The following SP3 variants were observed in gnomAD, a reference collection of about 807,000 sequenced individuals.
The protein encoded by SP3 is transcription factor Sp3.
Under a neutral mutation model 70.3 loss-of-function variants are expected in SP3, and 10 were observed. The ratio of observed to expected loss-of-function variants is 0.14; its 90% CI spans 0.09 to 0.24. The LOEUF (loss-of-function observed/expected upper bound fraction) is 0.24. Among genes scored for constraint, SP3 ranks in the 10% least tolerant of loss-of-function variants. The pLI is 1.00. For synonymous variants in SP3, 402 were observed against 333.5 expected (o/e 1.21, Z -2.24); for missense variants, 825 against 914.6 (o/e 0.90, Z 1.26).
At chr2:173,918,965 G>C (rs1262697591) in intron 4 of SP3, among the ~76,000 whole-genome samples, 180 bp from the exon 5 acceptor site, 1 of 152,080 alleles carries the variant, frequency 6.6e-6, no homozygotes, top group Admixed American at 6.5e-5. Context: ...AGACTAGTTG[G>C]AGAGTAATCT....
intron 4 of SP3, among the ~76,000 whole-genome samples, chr2:173,921,813 ATT>A (rs1689762155): frequency 6.6e-6 from 1 of 152,110 alleles, no homozygotes; most frequent in Non-Finnish European, 1.5e-5. Context: ...ATGGGGGCGG[ATT>A]TCTCATAAAT....
At chr2:173,925,775 T>C (rs999796477) in intron 4 of SP3, among the ~76,000 whole-genome samples, 1 of 152,170 alleles carries the variant, frequency 6.6e-6, no homozygotes, top group Non-Finnish European at 1.5e-5. Flanking sequence ...CCATAAGCTT[T>C]AGGGACTAGT....
chr2:173,952,812 T>C (rs1344641602), intron 4 of SP3, among the ~76,000 whole-genome samples: 3 of 152,266 alleles, frequency 2.0e-5, no homozygotes, highest in African/African-American at 4.8e-5. Flanking sequence ...AAAGGCCACA[T>C]ATTGTACAAT....
rs1690829886 is a variant in SP3, at chr2:173,954,932, T to C, written c.1580A>G (p.Asn527Ser). Residue 527 changes from asparagine to serine, a missense_variant, in exon 4 of 7, where the codon AAC becomes AGC. Asn to Ser is a conservative substitution (Grantham distance 46). This residue lies in a region of SP3 where 678 missense variants were observed against 651.6 expected (regional missense o/e 1.04). Coordinates refer to ENST00000310015, the MANE Select transcript of SP3 (RefSeq NM_003111.5). ...CTGTATACCAGCAGAATCTATAGAG[T>C]TCACTGTAACTGTTTGTAGATTTGG... is the stretch of plus-strand genomic sequence containing the variant. ...QLPNLQTVTV[N>S]SIDSAGIQLH... is the part of the protein sequence containing the mutation. 1 of 1,614,090 alleles carries C rather than the reference T, an allele frequency of 6.2e-7. No individual in the cohort carries two copies. Among genetic ancestry groups the C allele is most frequent in the East Asian group, 2.2e-5 (1 of 44,882 alleles).
At chr2:173,933,638 TTATATATATA>T (rs60102426) in intron 4 of SP3, among the ~76,000 whole-genome samples, 1,801 of 86,552 alleles carry the variant, frequency 0.021, 89 homozygotes, top group African/African-American at 0.07. Context: ...TTATAAAACT[TTATATATATA>T]TATATATATA....
At position 173,900,828 on chromosome 2, in the gene SP3, G is replaced by GGAGAGATACAGAATTATCATGGATA. The variant is rs1689178331; in HGVS notation, c.*9088_*9112dup. ...AAAACCATTAAAGACTTGAATTAAT[G>GGAGAGATACAGAATTATCATGGATA]GAGAGATACAGAATTATCATGGATA... On this transcript the variant is annotated 3_prime_UTR_variant, in exon 7 of 7. Coordinates refer to ENST00000310015, the MANE Select transcript of SP3 (RefSeq NM_003111.5). 1.3e-5 allele frequency among the ~76,000 whole-genome samples: 2 copies of GGAGAGATACAGAATTATCATGGATA among 152,148 alleles called. No homozygotes were observed. The highest frequency in any genetic ancestry group is 2.9e-5 in the Non-Finnish European group (2 of 68,020).
intron 4 of SP3, among the ~76,000 whole-genome samples, chr2:173,936,042 T>C (rs1337144071): frequency 6.6e-6 from 1 of 152,192 alleles, no homozygotes; most frequent in Non-Finnish European, 1.5e-5. Context: ...TTTGGTTTTC[T>C]TTTGAAACGG....
At chr2:173,912,684 AAT>A (rs1215766370) in intron 6 of SP3, among the ~76,000 whole-genome samples, 1 of 152,342 alleles carries the variant, frequency 6.6e-6, no homozygotes, top group East Asian at 1.9e-4. Flanking sequence ...GAAATGCCCA[AAT>A]ATGTCAGAAG....
At chr2:173,961,160 GT>G (rs1437908881) in intron 3 of SP3, among the ~76,000 whole-genome samples, 1 of 152,108 alleles carries the variant, frequency 6.6e-6, no homozygotes, top group Non-Finnish European at 1.5e-5. Context: ...ACAAAGGAGC[GT>G]TGCTATAAAA....
intron 4 of SP3, among the ~76,000 whole-genome samples, chr2:173,948,312 C>T (rs1285909329): frequency 6.6e-6 from 1 of 152,162 alleles, no homozygotes; most frequent in African/African-American, 2.4e-5. Flanking sequence ...AAAGACTTCG[C>T]AAGTTTTAAA....
rs779834975 is a variant in SP3, at chr2:173,963,887, C to T, written c.157-4G>A. 3 of 1,503,968 alleles carry T rather than the reference C, an allele frequency of 2.0e-6. No homozygotes were observed. Among genetic ancestry groups the T allele is most frequent in the East Asian group, 5.6e-5 (2 of 35,730 alleles). 93.2% of individuals were successfully genotyped at this position (1,503,968 alleles called of 1,614,324 possible). A position where few individuals can be genotyped will look rare whatever the true frequency, so the allele number is the denominator to read the frequency against. On this transcript the variant is annotated splice_region_variant and splice_polypyrimidine_tract_variant and intron_variant, in intron 2 of 6. Coordinates refer to ENST00000310015, the MANE Select transcript of SP3 (RefSeq NM_003111.5). The stretch of plus-strand genomic sequence containing the variant: ...CGAGCGGTGACGGCTGAGTGTCCTA[C>T]CCCCAATGGGCGGGTTCAGAGAGGG...
At chr2:173,952,232 C>T (rs1184772980) in intron 4 of SP3, among the ~76,000 whole-genome samples, 1 of 151,806 alleles carries the variant, frequency 6.6e-6, no homozygotes, top group Non-Finnish European at 1.5e-5. Context: ...ACTCACAGAA[C>T]TGCATAACTG....
At chr2:173,956,567 T>G (rs775518124) in intron 3 of SP3, among the ~76,000 whole-genome samples, 3 of 152,182 alleles carry the variant, frequency 2.0e-5, no homozygotes, top group African/African-American at 4.8e-5. Context: ...TATGACCAAA[T>G]CAGGTGCATT....
At chr2:173,943,810 C>A (rs1203517033) in intron 4 of SP3, among the ~76,000 whole-genome samples, 1 of 152,198 alleles carries the variant, frequency 6.6e-6, no homozygotes, top group Non-Finnish European at 1.5e-5. Context: ...GGGATACATT[C>A]TGAGAAATAC....
intron 3 of SP3, among the ~76,000 whole-genome samples, chr2:173,958,626 C>A (rs1403462433): frequency 1.4e-5 from 2 of 147,802 alleles, no homozygotes; most frequent in Non-Finnish European, 3.0e-5. Flanking sequence ...AAGAATCAAG[C>A]AAGAAAAGGA....
At position 173,956,154 on chromosome 2, in the gene SP3, T is replaced by C; in HGVS notation, c.358A>G (p.Lys120Glu). Reference sequence around the variant, plus strand: ...TGGACTAGATTACCAGCTTCATCTTTTATAGTTGTAGGTGTGGCTGACAAA... The same window carrying C: ...TGGACTAGATTACCAGCTTCATCTTCTATAGTTGTAGGTGTGGCTGACAAA... ...EVLSATPTTI[K>E]DEAGNLVQIP... The change falls in exon 4 of 7, where the codon AAA becomes GAA. Residue 120 changes from lysine to glutamate, a missense_variant. By Grantham distance (56) the Lys-to-Glu change is moderately conservative. This residue lies in a region of SP3 where 678 missense variants were observed against 651.6 expected (regional missense o/e 1.04). Transcript: ENST00000310015. The C allele has an allele frequency of 6.2e-7, 1 of 1,614,184 alleles. No individual in the cohort carries two copies. Among genetic ancestry groups the C allele is most frequent in the Non-Finnish European group, 8.5e-7 (1 of 1,180,016 alleles).
chr2:173,915,241 C>T (rs1205068795), intron 5 of SP3: 1 of 152,006 alleles, frequency 6.6e-6, no homozygotes. Context: ...AAAGAAAAAA[C>T]ATAGGGGCGG....
At chr2:173,939,678 T>C (rs1217356398) in intron 4 of SP3, among the ~76,000 whole-genome samples, 3 of 141,006 alleles carry the variant, frequency 2.1e-5, no homozygotes, top group Non-Finnish European at 3.0e-5. Context: ...GGCAGGAAGA[T>C]CACTTGAGCC....
chr2:173,941,466 C>T (rs750740213), intron 4 of SP3, among the ~76,000 whole-genome samples: 4 of 152,108 alleles, frequency 2.6e-5, no homozygotes, highest in Non-Finnish European at 5.9e-5. Context: ...AAAAATTAGC[C>T]AGACATGGCA....
Sources: gnomAD v4.1 joint callset for allele counts (sites outside exome capture counted in the v4.1 genomes callset) on GRCh38, gnomAD v4.1.1 for gene constraint, gnomAD v4.1.1 regional missense constraint, MANE v1.5 for transcripts, NCBI Gene and HGNC (gene_info 2026-07-23, HGNC 2026-07-21) for gene names.